The following CCDC126 variants were observed in gnomAD, a reference collection of about 807,000 sequenced individuals.
The protein encoded by CCDC126 is coiled-coil domain-containing protein 126.
CCDC126 carries 5 observed loss-of-function variants against 11.7 expected under a neutral mutation model. The ratio of observed to expected loss-of-function variants is 0.43; its 90% CI spans 0.22 to 0.90. CCDC126 has a LOEUF of 0.90. CCDC126 is among the 40% of genes least tolerant of loss of function. CCDC126 has a pLI of 0.27. For missense variants in CCDC126, 150 were observed against 163.1 expected (o/e 0.92, Z 0.44); for synonymous variants, 60 against 61.9 (o/e 0.97, Z 0.14).
chr7:23,611,424 C>A lies in CCDC126; in HGVS notation c.109C>A (p.Pro37Thr), dbSNP rs1242111433. Reference protein sequence around the residue: ...LMLLHYTFQQPRHQSSVKLRE... With the variant: ...LMLLHYTFQQTRHQSSVKLRE... ...GTTACTGCACTATACTTTTCAACAA[C>A]CAAGACATCAAAGCAGTGTCAAGTT... is the stretch of plus-strand genomic sequence containing the variant. Residue 37 changes from proline to threonine, a missense_variant, in exon 3 of 4, where the codon CCA becomes ACA. By Grantham distance (38) the Pro-to-Thr change is conservative (BLOSUM62 -1). Coordinates refer to ENST00000307471, the MANE Select transcript of CCDC126 (RefSeq NM_138771.4). 1.2e-6 allele frequency: 2 copies of A among 1,613,542 alleles called. No homozygotes were observed. The highest frequency in any genetic ancestry group is 1.7e-6 in the Non-Finnish European group (2 of 1,179,722).
intron 3 of CCDC126, among the ~76,000 whole-genome samples, chr7:23,612,470 A>G (rs1584198344): frequency 1.2e-5 from 1 of 85,364 alleles, no homozygotes; most frequent in Non-Finnish European, 2.2e-5. Context: ...GTTAGACTCC[A>G]TCTCAAAAAA....
intron 2 of CCDC126, among the ~76,000 whole-genome samples, chr7:23,606,097 C>T (rs758050066): frequency 2.6e-5 from 4 of 151,948 alleles, no homozygotes; most frequent in African/African-American, 7.3e-5. Flanking sequence ...CTTGCTCTGT[C>T]GCCCAGGCTG....
At chr7:23,621,534 A>G (rs1014956752) in intron 3 of CCDC126, among the ~76,000 whole-genome samples, 4 of 152,202 alleles carry the variant, frequency 2.6e-5, no homozygotes, top group African/African-American at 9.7e-5. Context: ...AACAGGGACA[A>G]TTGGACTTCC....
chr7:23,622,835 A>G (rs2128018511), intron 3 of CCDC126: 1 of 420,062 alleles, frequency 2.4e-6, no homozygotes, highest in South Asian at 1.9e-5. Context: ...AAATCTTACA[A>G]GACACAATTC....
intron 3 of CCDC126, among the ~76,000 whole-genome samples, chr7:23,621,324 T>C (rs1312522258): frequency 6.6e-6 from 1 of 152,134 alleles, no homozygotes; most frequent in Non-Finnish European, 1.5e-5. Flanking sequence ...CCTAAGTATT[T>C]TATTCTCTTT....
chr7:23,624,061 C>G (rs1181790233), intron 3 of CCDC126, among the ~76,000 whole-genome samples: 3 of 152,126 alleles, frequency 2.0e-5, no homozygotes, highest in African/African-American at 7.2e-5. Context: ...GGATTGCTTC[C>G]TGGCTTTTCT....
intron 3 of CCDC126, among the ~76,000 whole-genome samples, chr7:23,641,321 A>C (rs181563334): frequency 6.6e-6 from 1 of 152,282 alleles, no homozygotes; most frequent in Admixed American, 6.5e-5. Context: ...GAGAGTATCT[A>C]TTCAAGTCCT....
At chr7:23,631,214 A>C (rs1216318530) in intron 3 of CCDC126, among the ~76,000 whole-genome samples, 1 of 152,160 alleles carries the variant, frequency 6.6e-6, no homozygotes, top group Non-Finnish European at 1.5e-5. Context: ...GAAACAAAGA[A>C]CTTGTCCTTT....
chr7:23,611,909 C>T (rs539271151), intron 3 of CCDC126, among the ~76,000 whole-genome samples: 4 of 152,068 alleles, frequency 2.6e-5, no homozygotes, highest in East Asian at 1.9e-4. Flanking sequence ...TTTGGGAGGC[C>T]GAGGCGGATG....
At chr7:23,636,771 G>GT (rs1783229616) in intron 3 of CCDC126, among the ~76,000 whole-genome samples, 1 of 83,110 alleles carries the variant, frequency 1.2e-5, no homozygotes, top group Non-Finnish European at 2.8e-5. Flanking sequence ...GAGGGAGGTG[G>GT]GGGGGGGGTC....
chr7:23,622,924 C>G (rs941854077), intron 3 of CCDC126: 5 of 285,866 alleles, frequency 1.7e-5, no homozygotes, highest in Non-Finnish European at 2.7e-5. Flanking sequence ...TTCTGTTGAC[C>G]TGTTTGCTCT....
chr7:23,619,583 A>G (rs1208338460), intron 3 of CCDC126: 2 of 219,342 alleles, frequency 9.1e-6, no homozygotes, highest in South Asian at 7.2e-5. Context: ...TTTTTAAGAA[A>G]AATATATTTT....
chr7:23,614,958 A>G (rs1782773037), intron 3 of CCDC126, among the ~76,000 whole-genome samples: 1 of 152,188 alleles, frequency 6.6e-6, no homozygotes, highest in African/African-American at 2.4e-5. Context: ...TTTCAGCATG[A>G]TAAATGAGCA....
intron 2 of CCDC126, chr7:23,604,024 G>A (rs1202475702): frequency 3.3e-5 from 5 of 152,176 alleles, no homozygotes; most frequent in Admixed American, 3.3e-4. Context: ...AGGTAAGGAG[G>A]TTTTGAAATC....
chr7:23,635,260 G>T (rs1455651862), intron 3 of CCDC126, among the ~76,000 whole-genome samples: 5 of 152,206 alleles, frequency 3.3e-5, no homozygotes, highest in African/African-American at 1.2e-4. Context: ...ACTGTGTGAT[G>T]AAGCACCAAG....
At position 23,636,920 on chromosome 7, in the gene CCDC126, C is replaced by G. The variant is rs1273391105; in HGVS notation, c.239-6011C>G. On this transcript the variant is annotated intron_variant, in intron 3 of 3. Coordinates refer to ENST00000307471, the MANE Select transcript of CCDC126 (RefSeq NM_138771.4). ...GAGGTGGGGGGGTCAGCCCCCCGCC[C>G]GGCCAGCTGCCCAGTCCGGGAGGTG... Among the ~76,000 whole-genome samples the G allele has an allele frequency of 8.9e-5, 7 of 78,432 alleles. No individual in the cohort carries two copies. In the South Asian group the frequency reaches 3.7e-3, roughly 42 times the overall value. The allele number at this position is 78,432 out of a possible 152,430, so 51.5% of individuals were successfully genotyped here.
chr7:23,602,869 A>T (rs1170466607), intron 2 of CCDC126, among the ~76,000 whole-genome samples: 2 of 151,670 alleles, frequency 1.3e-5, no homozygotes, highest in Non-Finnish European at 2.9e-5. Flanking sequence ...TCCCGTTCCT[A>T]TTAAAATAGT....
At chr7:23,621,351 G>C (rs1782894043) in intron 3 of CCDC126, among the ~76,000 whole-genome samples, 1 of 152,116 alleles carries the variant, frequency 6.6e-6, no homozygotes, top group South Asian at 2.1e-4. Flanking sequence ...ATTGTGAATG[G>C]GAGTTCACTC....
At position 23,642,819 on chromosome 7, in the gene CCDC126, TAC is replaced by T. The variant is rs1259979796; in HGVS notation, c.239-110_239-109del. 3.5e-6 allele frequency: 3 copies of T among 847,688 alleles called. No individual in the cohort carries two copies. In the African/African-American group the frequency reaches 5.2e-5, roughly 15 times the overall value. The allele number at this position is 847,688 out of a possible 1,614,324, so 52.5% of individuals were successfully genotyped here. A position where few individuals can be genotyped will look rare whatever the true frequency, so the allele number is the denominator to read the frequency against. On this transcript the variant is annotated intron_variant, in intron 3 of 3. Coordinates refer to ENST00000307471, the MANE Select transcript of CCDC126 (RefSeq NM_138771.4). ...TGTAGTATGAGTGCATTCTCTCTAG[TAC>T]ATTTTCCCTCAGATGACCCAGTAGT...
Sources: allele counts gnomAD v4.1 joint callset (sites outside exome capture counted in the v4.1 genomes callset), GRCh38; gene constraint gnomAD v4.1.1; transcripts MANE v1.5; gene names NCBI Gene and HGNC (gene_info 2026-07-23, HGNC 2026-07-21).